Variants in F11 observed in about 807,000 individuals in gnomAD.
F11 encodes coagualtion factor XI.
A neutral mutation model predicts 76.5 loss-of-function variants in F11; 78 were observed. The observed-to-expected ratio is 1.02, with a 90% CI of 0.85 to 1.23. The LOEUF is 1.23. F11 is among the 50% of genes most tolerant of loss of function. The probability of loss-of-function intolerance (pLI) is 0.00; values close to 1 mark genes in which losing one functional copy is unlikely to be tolerated. For synonymous variants in F11, 278 were observed against 276.3 expected, an observed-to-expected ratio of 1.01 and a Z score of -0.06; for missense variants, 742 against 771.4, an observed-to-expected ratio of 0.96 and a Z score of 0.45.
intron 14 of F11, 27 bp downstream of exon 14, chr4:186,287,850 A>G (rs1442792396): frequency 1.9e-6 from 3 of 1,605,190 alleles, no homozygotes; most frequent in Non-Finnish European, 2.6e-6. Flanking sequence ...AGCCAATGGA[A>G]TATATGCAAA....
At chr4:186,286,731 TA>T in intron 13 of F11, 1 of 981,714 alleles carries the variant, frequency 1.0e-6, no homozygotes, top group African/African-American at 1.7e-5. Flanking sequence ...AAAGACTAAT[TA>T]TATTTAATGA....
At chr4:186,272,931 T>C (rs1740084968) in intron 3 of F11, 140 bp from the exon 4 acceptor site, 1 of 625,586 alleles carries the variant, frequency 1.6e-6, no homozygotes. Flanking sequence ...ACTCAGAATC[T>C]TGCTAAGAAA....
At chr4:186,278,565 G>A (rs866051646) in intron 7 of F11, among the ~76,000 whole-genome samples, 4 of 152,184 alleles carry the variant, frequency 2.6e-5, no homozygotes, top group Non-Finnish European at 4.4e-5. Context: ...AAGATTTGCT[G>A]ATAGGTTGGA....
chr4:186,268,607 T>A (rs1022581805), intron 2 of F11, among the ~76,000 whole-genome samples: 19 of 151,946 alleles, frequency 1.3e-4, no homozygotes, highest in African/African-American at 4.6e-4. Flanking sequence ...TGAGTATTTA[T>A]AATCACCGTG....
At chr4:186,275,005 T>TCAAC (rs1339631693) in intron 5 of F11, 37 of 262,678 alleles carry the variant, frequency 1.4e-4, no homozygotes, top group Non-Finnish European at 2.5e-4. Context: ...AAACAAAGCA[T>TCAAC]CAACGAGTTA....
intron 10 of F11, chr4:186,282,087 T>C (rs779148922): frequency 8.3e-7 from 1 of 1,204,632 alleles, no homozygotes; most frequent in Non-Finnish European, 1.1e-6. Flanking sequence ...GTCTTTCTTC[T>C]ACTTCTAAGC....
chr4:186,284,234 A>G lies in F11; in HGVS notation c.1278A>G (p.Ile426Met). The change falls in exon 11 of 15, where the codon ATA (isoleucine) becomes ATG (methionine). Residue 426 changes from isoleucine (I) to methionine (M), a missense_variant. By Grantham distance (10) the Ile-to-Met change is conservative. Transcript: ENST00000403665. The part of the protein sequence containing the change: ...CGGSIIGNQW[I>M]LTAAHCFYGV... ...GCTCCATCATTGGAAACCAGTGGAT[A>G]TTAACAGCCGCTCACTGTTTCTATG... 6.2e-7 allele frequency: 1 copy of G among 1,614,232 alleles called. No homozygotes were observed. Among genetic ancestry groups the G allele is most frequent in the Non-Finnish European group, 8.5e-7 (1 of 1,180,034 alleles).
rs1740281764 is a variant in F11 at position 186,275,340 on chromosome 4, C to CA, written c.486-442dup. 2.6e-5 allele frequency among the ~76,000 whole-genome samples: 4 copies of CA among 151,646 alleles called. No individual in the cohort carries two copies. In the Middle Eastern group the frequency reaches 0.01, roughly 390 times the overall value. On this transcript the variant is annotated intron_variant, in intron 5 of 14. Coordinates refer to ENST00000403665, the MANE Select transcript of F11 (RefSeq NM_000128.4). ...ACCCCGTCTCTACTAAAAAAGAATACAAAAATTAGCCAGGCGCGGTGGTGG... is the reference window on the plus strand; with the variant it reads ...ACCCCGTCTCTACTAAAAAAGAATACAAAAAATTAGCCAGGCGCGGTGGTGG...
At chr4:186,267,216 T>C (rs1279374750) in intron 2 of F11, 25 bp downstream of exon 2, 1 of 1,404,388 alleles carries the variant, frequency 7.1e-7, no homozygotes, top group South Asian at 1.2e-5. Context: ...ATCTTAACTA[T>C]GGGCTGGGAG....
chr4:186,276,129 G>A, intron 6 of F11, 102 bp from the exon 7 acceptor site: 1 of 1,352,756 alleles, frequency 7.4e-7, no homozygotes, highest in East Asian at 2.4e-5. Context: ...AAGATCTTGG[G>A]ATACACTTAA....
In F11 at chr4:186,273,389, C is replaced by T. The variant is rs1330614910; in HGVS notation, c.325+212C>T. ...CTCTTTACCTCATAGAAAGACATAT[C>T]TTACTACCTCACTTCCCATCATTTA... On this transcript the variant is annotated intron_variant, in intron 4 of 14. Coordinates refer to ENST00000403665, the MANE Select transcript of F11 (RefSeq NM_000128.4). 3.9e-5 allele frequency among the ~76,000 whole-genome samples: 6 copies of T among 152,310 alleles called. No individual in the cohort carries two copies. The East Asian group carries it at 9.6e-4, about 24-fold the overall frequency.
At chr4:186,268,884 G>A (rs1561477733) in intron 2 of F11, among the ~76,000 whole-genome samples, 1 of 152,126 alleles carries the variant, frequency 6.6e-6, no homozygotes, top group Non-Finnish European at 1.5e-5. Flanking sequence ...AGAAGATAGA[G>A]AATAGCAACT....
intron 5 of F11, 103 bp downstream of exon 5, chr4:186,274,378 C>G: frequency 1.4e-6 from 2 of 1,426,696 alleles, no homozygotes; most frequent in Non-Finnish European, 9.8e-7. Flanking sequence ...TTTTGAACCC[C>G]TAAAAGACAT....
chr4:186,274,482 T>C (rs146254900), intron 5 of F11: 8 of 624,352 alleles, frequency 1.3e-5, no homozygotes, highest in African/African-American at 1.1e-4. Flanking sequence ...TATCTTTTAA[T>C]AACACTGTCA....
chr4:186,286,917 G>T (rs930331950), intron 13 of F11, among the ~76,000 whole-genome samples: 1 of 152,092 alleles, frequency 6.6e-6, no homozygotes, highest in African/African-American at 2.4e-5. Flanking sequence ...AATTATAAAA[G>T]GTCTGTGAAG....
At chr4:186,282,469 C>T in intron 10 of F11, 1 of 985,234 alleles carries the variant, frequency 1.0e-6, no homozygotes, top group Non-Finnish European at 1.2e-6. Flanking sequence ...CACTGGTCTA[C>T]AATGTAACTT....
At chr4:186,281,907 T>G (rs770694338) in intron 10 of F11, 1 of 1,254,938 alleles carries the variant, frequency 8.0e-7, no homozygotes, top group South Asian at 1.3e-5. Context: ...AACACTGGTA[T>G]CCTAACTAAC....
chr4:186,277,861 G>A lies in F11; in HGVS notation c.755+1471G>A, dbSNP rs533373152. ...TCACTCAGATTTGGTTGCACTGGGTGTGATCTCAGCCCACTGCAGCCTCCA... is the reference window on the plus strand; with the variant it reads ...TCACTCAGATTTGGTTGCACTGGGTATGATCTCAGCCCACTGCAGCCTCCA... On this transcript the variant is annotated intron_variant, in intron 7 of 14. Transcript: ENST00000403665. Among the ~76,000 whole-genome samples, 409 of 152,268 alleles carry A rather than the reference G, an allele frequency of 2.7e-3. 1 individual carries two copies. Among genetic ancestry groups the A allele is most frequent in the African/African-American group, 9.3e-3 (388 of 41,554 alleles).
At chr4:186,282,311 T>C (rs1327940718) in intron 10 of F11, 2 of 985,286 alleles carry the variant, frequency 2.0e-6, no homozygotes, top group African/African-American at 3.5e-5. Context: ...AAATGTAAGA[T>C]AAAGGAAAAT....
Sources: allele counts gnomAD v4.1 joint callset (sites outside exome capture counted in the v4.1 genomes callset), GRCh38; gene constraint gnomAD v4.1.1; transcripts MANE v1.5; gene names NCBI Gene and HGNC (gene_info 2026-07-23, HGNC 2026-07-21).